The following PREX2 variants were observed in gnomAD, a reference collection of about 807,000 sequenced individuals.
PREX2 encodes the protein phosphatidylinositol 3,4,5-trisphosphate-dependent Rac exchanger 2 protein.
A neutral mutation model predicts 203.2 loss-of-function variants in PREX2; 107 were observed. That is an observed-to-expected ratio of 0.53 (90% CI 0.45 to 0.62). The LOEUF is 0.62. Among genes scored for constraint, PREX2 ranks in the 20% least tolerant of loss-of-function variants. The pLI is 0.00. For missense variants in PREX2, 1,777 were observed against 1,955.9 expected, an observed-to-expected ratio of 0.91 and a Z score of 1.72; for synonymous variants, 672 against 663.6, an observed-to-expected ratio of 1.01 and a Z score of -0.19.
At chr8:68,164,458 A>G (rs1446139758) in intron 35 of PREX2, among the ~76,000 whole-genome samples, 4 of 151,884 alleles carry the variant, frequency 2.6e-5, no homozygotes, top group African/African-American at 9.7e-5. Flanking sequence ...ATCAGCTTTT[A>G]GTCAAGCTGA....
At chr8:67,966,619 AAAC>A (rs1331637215) in intron 1 of PREX2, among the ~76,000 whole-genome samples, 1 of 152,134 alleles carries the variant, frequency 6.6e-6, no homozygotes, top group Non-Finnish European at 1.5e-5. Context: ...AAACAACAAA[AAAC>A]AACAACAACA....
At chr8:68,049,687 T>C (rs1808465597) in intron 8 of PREX2, among the ~76,000 whole-genome samples, 1 of 152,278 alleles carries the variant, frequency 6.6e-6, no homozygotes, top group East Asian at 1.9e-4. Context: ...ATTCTTCCTA[T>C]AAAATTAACA....
At position 68,083,276 on chromosome 8, in the gene PREX2, A is replaced by G. The variant is rs1187332971; in HGVS notation, c.1915A>G (p.Ile639Val). ...GMEVGKKIFA[I>V]NGDLVFMRPF... Reference sequence around the variant, plus strand: ...GGAAGTCGGGAAAAAGATTTTTGCTATTAATGGTGACCTAGTTTTTATGAG... The same window carrying G: ...GGAAGTCGGGAAAAAGATTTTTGCTGTTAATGGTGACCTAGTTTTTATGAG... The change falls in exon 18 of 40, where the codon ATT becomes GTT. Residue 639 changes from isoleucine to valine, a missense_variant. Coordinates refer to ENST00000288368, the MANE Select transcript of PREX2 (RefSeq NM_024870.4). 1.9e-6 allele frequency: 3 copies of G among 1,607,374 alleles called. No individual in the cohort carries two copies. Among genetic ancestry groups the G allele is most frequent in the Admixed American group, 1.7e-5 (1 of 59,848 alleles).
intron 1 of PREX2, among the ~76,000 whole-genome samples, chr8:67,989,782 G>A (rs995508125): frequency 1.3e-5 from 2 of 152,142 alleles, no homozygotes; most frequent in African/African-American, 2.4e-5. Context: ...ATCTAAATAA[G>A]CATTTAAAAT....
At chr8:68,024,556 G>A (rs1421376936) in intron 4 of PREX2, among the ~76,000 whole-genome samples, 3 of 151,724 alleles carry the variant, frequency 2.0e-5, no homozygotes, top group Admixed American at 6.6e-5. Context: ...TCTTTAAAAT[G>A]TCTCTAGAAG....
In PREX2 at chr8:68,231,475, T is replaced by A; in HGVS notation, c.*97T>A. ...ACATTCTCCACTGAAGATACATCAA[T>A]GCTTTTTTTTTTTTTTTTTTCTGTA... On this transcript the variant is annotated 3_prime_UTR_variant, in exon 40 of 40. Coordinates refer to ENST00000288368, the MANE Select transcript of PREX2 (RefSeq NM_024870.4). 2.7e-6 allele frequency: 2 copies of A among 751,654 alleles called. No individual in the cohort carries two copies. Among genetic ancestry groups the A allele is most frequent in the Non-Finnish European group, 3.8e-6 (2 of 527,642 alleles). The allele number at this position is 751,654 out of a possible 1,614,324, so 46.6% of individuals were successfully genotyped here. A position where few individuals can be genotyped will look rare whatever the true frequency, so the allele number is the denominator to read the frequency against.
chr8:68,038,187 A>G lies in PREX2; in HGVS notation c.734A>G (p.Glu245Gly). Reference sequence around the variant, plus strand: ...TCCAACATCACTGACACCTGCACTGAAATGCTAATGTGTGGAGTCTTACTG... The same window carrying G: ...TCCAACATCACTGACACCTGCACTGGAATGCTAATGTGTGGAGTCTTACTG... ...EGSNITDTCTEMLMCGVLLKI... is the reference protein window; with the variant it reads ...EGSNITDTCTGMLMCGVLLKI... Residue 245 changes from glutamate to glycine, a missense_variant, in exon 7 of 40, where the codon GAA (glutamate) becomes GGA (glycine). Glu to Gly is a moderately conservative substitution (Grantham distance 98). Coordinates refer to ENST00000288368, the MANE Select transcript of PREX2 (RefSeq NM_024870.4). 6.2e-7 allele frequency: 1 copy of G among 1,613,820 alleles called. No individual in the cohort carries two copies. The highest frequency in any genetic ancestry group is 8.5e-7 in the Non-Finnish European group (1 of 1,179,728).
chr8:68,104,823 A>G (rs1369240253), intron 23 of PREX2, among the ~76,000 whole-genome samples: 2 of 152,192 alleles, frequency 1.3e-5, no homozygotes, highest in Non-Finnish European at 2.9e-5. Flanking sequence ...GGGTAAATGA[A>G]TAAAGGTGGC....
intron 23 of PREX2, chr8:68,100,326 C>T: frequency 5.1e-6 from 2 of 390,456 alleles, no homozygotes; most frequent in Non-Finnish European, 5.0e-6. Context: ...TTCTAGGTTC[C>T]AGGAATATAG....
intron 25 of PREX2, chr8:68,110,832 A>T: frequency 3.6e-6 from 1 of 281,618 alleles, no homozygotes; most frequent in South Asian, 3.1e-5. Context: ...TACTTTGCTA[A>T]TTTTCTGAAG....
chr8:68,157,263 A>T (rs1811559735), intron 34 of PREX2, 59 bp from the exon 35 acceptor site: 1 of 781,788 alleles, frequency 1.3e-6, no homozygotes, highest in African/African-American at 1.8e-5. Flanking sequence ...AAATTATACT[A>T]CACGTGGAGA....
intron 11 of PREX2, among the ~76,000 whole-genome samples, chr8:68,066,677 T>G (rs1396775454): frequency 1.3e-5 from 2 of 152,136 alleles, no homozygotes; most frequent in Non-Finnish European, 2.9e-5. Flanking sequence ...TCTTTTAATT[T>G]TATTGATTCT....
At chr8:68,116,713 C>A (rs1810666505) in intron 26 of PREX2, among the ~76,000 whole-genome samples, 1 of 152,092 alleles carries the variant, frequency 6.6e-6, no homozygotes, top group Non-Finnish European at 1.5e-5. Context: ...AAGGTCACGC[C>A]CTAATGACCT....
At chr8:67,990,495 TG>T (rs1031357585) in intron 1 of PREX2, among the ~76,000 whole-genome samples, 5 of 143,422 alleles carry the variant, frequency 3.5e-5, no homozygotes, top group Non-Finnish European at 6.0e-5. Context: ...TGCTCCCAGG[TG>T]GTTTTTTTTT....
intron 30 of PREX2, among the ~76,000 whole-genome samples, chr8:68,124,278 T>C (rs1288510830): frequency 6.6e-6 from 1 of 152,108 alleles, no homozygotes; most frequent in Non-Finnish European, 1.5e-5. Flanking sequence ...GAAAATGTGG[T>C]ACCTGTATTC....
chr8:68,132,185 C>T (rs1027802613), intron 31 of PREX2, among the ~76,000 whole-genome samples: 1 of 152,056 alleles, frequency 6.6e-6, no homozygotes, highest in Non-Finnish European at 1.5e-5. Flanking sequence ...GCCACTGACT[C>T]TTTATTTTAA....
intron 38 of PREX2, among the ~76,000 whole-genome samples, chr8:68,221,512 C>T (rs1812952956): frequency 1.3e-5 from 2 of 152,064 alleles, no homozygotes; most frequent in Non-Finnish European, 1.5e-5. Context: ...TAAAACAGTA[C>T]CTGATATGGT....
At chr8:68,167,816 T>A (rs144367993) in intron 35 of PREX2, among the ~76,000 whole-genome samples, 33 of 152,306 alleles carry the variant, frequency 2.2e-4, no homozygotes, top group African/African-American at 7.0e-4. Flanking sequence ...GCACTAGAAT[T>A]TTAGAAAGCT....
chr8:68,038,973 T>G (rs1808113682), intron 7 of PREX2, among the ~76,000 whole-genome samples: 1 of 152,194 alleles, frequency 6.6e-6, no homozygotes, highest in South Asian at 2.1e-4. Flanking sequence ...AGTCATAAAA[T>G]TGAAATCTCC....
Sources: gnomAD v4.1 joint callset for allele counts (sites outside exome capture counted in the v4.1 genomes callset) on GRCh38, gnomAD v4.1.1 for gene constraint, MANE v1.5 for transcripts, NCBI Gene and HGNC (gene_info 2026-07-23, HGNC 2026-07-21) for gene names.